Variants in CDH13 observed in about 807,000 individuals in gnomAD.
CDH13 encodes the protein cadherin 13.
In CDH13, 24 loss-of-function variants were observed where a neutral mutation model predicts 63.8. That is an observed-to-expected ratio of 0.38 (90% confidence interval 0.27 to 0.53). The LOEUF is 0.53. CDH13 is among the 20% of genes least tolerant of loss of function. The pLI is 0.85. For missense variants in CDH13, 1,049 were observed against 903.1 expected (o/e 1.16, Z -2.07); for synonymous variants, 503 against 355.3 (o/e 1.42, Z -4.67).
intron 2 of CDH13, among the ~76,000 whole-genome samples, chr16:82,917,600 TA>T (rs1217399782): frequency 6.6e-6 from 1 of 152,162 alleles, no homozygotes; most frequent in African/African-American, 2.4e-5. Context: ...TGAACTTCTC[TA>T]ATAAACTCAG....
intron 5 of CDH13, among the ~76,000 whole-genome samples, chr16:83,288,576 G>C (rs561979511): frequency 6.6e-6 from 1 of 152,318 alleles, no homozygotes; most frequent in African/African-American, 2.4e-5. Flanking sequence ...AGAGCCAGCT[G>C]TCCAGGCAGG....
chr16:83,227,372 T>C lies in CDH13; in HGVS notation c.636+9875T>C, dbSNP rs530016823. Among the ~76,000 whole-genome samples, 79 of 152,258 alleles carry C rather than the reference T, an allele frequency of 5.2e-4. No homozygotes were observed. The South Asian group carries it at 0.016, about 31-fold the overall frequency. ...TGGCACATGGTATGGAAGCTGACAT[T>C]GATCAGGGGGCCCTTGTGAAGCCAG... On this transcript the variant is annotated intron_variant, in intron 5 of 13. Coordinates refer to ENST00000567109, the MANE Select transcript of CDH13 (RefSeq NM_001257.5).
chr16:83,006,965 C>T (rs1281405387), intron 2 of CDH13, among the ~76,000 whole-genome samples: 1 of 144,404 alleles, frequency 6.9e-6, no homozygotes, highest in Non-Finnish European at 1.5e-5. Context: ...CTCTTATTGC[C>T]CAGGCTGGAG....
At chr16:83,410,326 G>A (rs2092107617) in intron 6 of CDH13, among the ~76,000 whole-genome samples, 1 of 152,098 alleles carries the variant, frequency 6.6e-6, no homozygotes, top group Non-Finnish European at 1.5e-5. Context: ...GGGGAAAAAG[G>A]CTTTTTTACT....
At position 83,463,555 on chromosome 16, in the gene CDH13, C is replaced by T. The variant is rs1398701168; in HGVS notation, c.782-22922C>T. Among the ~76,000 whole-genome samples the T allele has an allele frequency of 2.0e-5, 3 of 152,210 alleles. No homozygotes were observed. In the East Asian group the frequency reaches 5.8e-4, roughly 29 times the overall value. On this transcript the variant is annotated intron_variant, in intron 6 of 13. Transcript: ENST00000567109. ...ATGGCTCCTGCTTGTAATCCCAGCG[C>T]TTTGGCAGGCCACAGCAGGAGGTTC... is the stretch of plus-strand genomic sequence containing the variant.
chr16:83,321,695 A>C (rs542721087), intron 5 of CDH13, among the ~76,000 whole-genome samples: 3 of 151,728 alleles, frequency 2.0e-5, no homozygotes, highest in Non-Finnish European at 4.4e-5. Flanking sequence ...TGCCCAGCTA[A>C]TTTTTTGTAT....
chr16:83,214,621 C>T (rs1220719463), intron 4 of CDH13, among the ~76,000 whole-genome samples: 1 of 142,022 alleles, frequency 7.0e-6, no homozygotes, highest in Non-Finnish European at 1.6e-5. Flanking sequence ...CACCTATTCC[C>T]TCAGAAAAGG....
At chr16:83,374,589 C>G (rs186274857) in intron 6 of CDH13, among the ~76,000 whole-genome samples, 1 of 152,210 alleles carries the variant, frequency 6.6e-6, no homozygotes, top group Admixed American at 6.5e-5. Flanking sequence ...AGTTGGAACT[C>G]GTACCCACTT....
chr16:83,194,693 A>AGAAT (rs1379942751), intron 4 of CDH13, among the ~76,000 whole-genome samples: 2 of 152,232 alleles, frequency 1.3e-5, no homozygotes, highest in East Asian at 3.8e-4. Flanking sequence ...AAAACATTCT[A>AGAAT]GTAGCAAATA....
intron 1 of CDH13, among the ~76,000 whole-genome samples, chr16:82,851,490 C>A (rs74409665): frequency 6.6e-6 from 1 of 151,050 alleles, no homozygotes; most frequent in East Asian, 1.9e-4. Flanking sequence ...ATGGGACCGA[C>A]GAAACTAAAA....
chr16:83,762,670 C>T (rs1267783519), intron 11 of CDH13, among the ~76,000 whole-genome samples: 3 of 152,260 alleles, frequency 2.0e-5, no homozygotes, highest in Admixed American at 6.5e-5. Flanking sequence ...CATCGTTGGC[C>T]GCTGCTTCTT....
chr16:82,866,113 A>C (rs2040128266), intron 2 of CDH13, among the ~76,000 whole-genome samples: 2 of 152,090 alleles, frequency 1.3e-5, no homozygotes, highest in Admixed American at 1.3e-4. Flanking sequence ...CAAGTTCCTC[A>C]TCACCCTCTG....
chr16:82,940,142 A>C (rs77188793), intron 2 of CDH13, among the ~76,000 whole-genome samples: 2,718 of 152,294 alleles, frequency 0.018, 90 homozygotes, highest in African/African-American at 0.062. Context: ...AACGTGTGGG[A>C]ATTATTAATT....
At chr16:82,642,738 T>C (rs1045062971) in intron 1 of CDH13, among the ~76,000 whole-genome samples, 1 of 152,198 alleles carries the variant, frequency 6.6e-6, no homozygotes, top group African/African-American at 2.4e-5. Flanking sequence ...GTAGCTGATA[T>C]CAGTGTGGTG....
At chr16:83,739,323 T>C (rs1234101332) in intron 10 of CDH13, among the ~76,000 whole-genome samples, 2 of 151,300 alleles carry the variant, frequency 1.3e-5, no homozygotes, top group Non-Finnish European at 3.0e-5. Context: ...TCACATATGT[T>C]GTCACAACTT....
chr16:83,695,279 T>G (rs1263265224), intron 10 of CDH13, among the ~76,000 whole-genome samples: 1 of 152,350 alleles, frequency 6.6e-6, no homozygotes, highest in African/African-American at 2.4e-5. Context: ...TCATTGTTAC[T>G]GATTTTTCAT....
rs191799407 is a variant in CDH13, at chr16:83,472,184, G to A, written c.782-14293G>A. On this transcript the variant is annotated intron_variant, in intron 6 of 13. Transcript: ENST00000567109. Reference sequence around the variant, plus strand: ...CCCACTTAGTACCGTTATACCTCAGGCTCACTGTTGTCCAGAGTGGAGCAG... The same window carrying A: ...CCCACTTAGTACCGTTATACCTCAGACTCACTGTTGTCCAGAGTGGAGCAG... Among the ~76,000 whole-genome samples, 6 of 152,268 alleles carry A rather than the reference G, an allele frequency of 3.9e-5. No homozygotes were observed. In the East Asian group the frequency reaches 9.7e-4, roughly 25 times the overall value.
chr16:83,278,452 G>A (rs755702127), intron 5 of CDH13, among the ~76,000 whole-genome samples: 26 of 152,176 alleles, frequency 1.7e-4, no homozygotes, highest in Admixed American at 6.5e-4. Context: ...CTTGGAGGAC[G>A]TGCAAAGCCA....
At chr16:83,389,796 G>C (rs898453260) in intron 6 of CDH13, among the ~76,000 whole-genome samples, 1 of 152,182 alleles carries the variant, frequency 6.6e-6, no homozygotes, top group African/African-American at 2.4e-5. Flanking sequence ...AGGTGAGTCT[G>C]AGTTTGAGAG....
Sources: gnomAD v4.1 joint callset for allele counts (sites outside exome capture counted in the v4.1 genomes callset) on GRCh38, gnomAD v4.1.1 for gene constraint, MANE v1.5 for transcripts, NCBI Gene and HGNC (gene_info 2026-07-23, HGNC 2026-07-21) for gene names.